Variants in CCDC91 observed in about 807,000 individuals in gnomAD.
CCDC91 encodes the protein coiled-coil domain containing 91.
In CCDC91, 48 loss-of-function variants were observed where a neutral mutation model predicts 63.2. The ratio of observed to expected loss-of-function variants is 0.76; its 90% CI spans 0.60 to 0.97. The LOEUF is 0.97. Among genes scored for constraint, CCDC91 ranks in the 50% least tolerant of loss-of-function variants. The pLI is 0.00. For missense variants in CCDC91, 500 were observed against 494.6 expected (o/e 1.01, Z -0.10); for synonymous variants, 167 against 165.8 (o/e 1.01, Z -0.06).
intron 3 of CCDC91, among the ~76,000 whole-genome samples, chr12:28,264,577 A>ATGTG (rs1565692952): frequency 1.8e-4 from 9 of 50,836 alleles, no homozygotes; most frequent in Non-Finnish European, 2.8e-4. Flanking sequence ...ATATATATAT[A>ATGTG]TGTCTGTCTG....
chr12:28,468,316 A>G (rs764035210), intron 11 of CCDC91, among the ~76,000 whole-genome samples: 12 of 151,888 alleles, frequency 7.9e-5, no homozygotes, highest in East Asian at 1.9e-4. Flanking sequence ...AGGAGCAACT[A>G]TTTGCCTATA....
intron 11 of CCDC91, among the ~76,000 whole-genome samples, chr12:28,483,361 G>A (rs559119593): frequency 2.0e-5 from 3 of 152,180 alleles, no homozygotes; most frequent in Admixed American, 2.0e-4. Context: ...TCCATTTCAT[G>A]ATACACTATT....
rs959810859 is a variant in CCDC91 at position 28,441,762 on chromosome 12, A to C, written c.763-8399A>C. On this transcript the variant is annotated intron_variant, in intron 8 of 12. Coordinates refer to ENST00000536442, the MANE Select transcript of CCDC91 (RefSeq NM_018318.5). ...ATATATATATCTCATATATATATGTATATGTGTATGCATGTGATATATGGT... is the reference window on the plus strand; with the variant it reads ...ATATATATATCTCATATATATATGTCTATGTGTATGCATGTGATATATGGT... 2.7e-5 allele frequency among the ~76,000 whole-genome samples: 4 copies of C among 150,400 alleles called. No individual in the cohort carries two copies. The Admixed American group carries it at 2.7e-4, about 10-fold the overall frequency.
chr12:28,391,491 A>G, intron 8 of CCDC91, 80 bp downstream of exon 8: 1 of 768,424 alleles, frequency 1.3e-6, no homozygotes, highest in Non-Finnish European at 2.1e-6. Flanking sequence ...CTGTTTATTC[A>G]GTTCTGTTCC....
At chr12:28,307,167 T>C (rs1322294049) in intron 5 of CCDC91, among the ~76,000 whole-genome samples, 4 of 152,010 alleles carry the variant, frequency 2.6e-5, no homozygotes, top group Non-Finnish European at 5.9e-5. Flanking sequence ...AGGTTTTTTC[T>C]AACTATTGCT....
chr12:28,217,802 C>G (rs1445297447), intron 1 of CCDC91, among the ~76,000 whole-genome samples: 1 of 151,864 alleles, frequency 6.6e-6, no homozygotes, highest in Non-Finnish European at 1.5e-5. Context: ...TGGTGGTATG[C>G]TCTTATTTTC....
In CCDC91 at chr12:28,363,964, T is replaced by G. The variant is rs76872948; in HGVS notation, c.654+1449T>G. Among the ~76,000 whole-genome samples the G allele has an allele frequency of 2.6e-3, 232 of 89,476 alleles. 5 individuals are homozygous for G. The East Asian group carries it at 0.16, about 60-fold the overall frequency. 58.7% of individuals were successfully genotyped at this position (89,476 alleles called of 152,430 possible). A position where few individuals can be genotyped will look rare whatever the true frequency, so the allele number is the denominator to read the frequency against. On this transcript the variant is annotated intron_variant, in intron 7 of 12. Coordinates refer to ENST00000536442, the MANE Select transcript of CCDC91 (RefSeq NM_018318.5). ...TAGATCCAGAATTAAGTGAAAAGTG[T>G]TTTTTTTTTTTTCTTCACCTAGGGT...
intron 8 of CCDC91, among the ~76,000 whole-genome samples, chr12:28,449,422 G>A (rs546211664): frequency 1.3e-5 from 2 of 152,058 alleles, no homozygotes; most frequent in African/African-American, 2.4e-5. Context: ...CCACATCAGT[G>A]CACTGTTCTG....
intron 3 of CCDC91, among the ~76,000 whole-genome samples, chr12:28,269,510 T>A (rs966148611): frequency 1.3e-5 from 2 of 152,054 alleles, no homozygotes; most frequent in Admixed American, 6.6e-5. Context: ...CTTAAGCACC[T>A]TTTTTTCCTG....
chr12:28,212,676 T>A (rs1394105247), intron 1 of CCDC91, among the ~76,000 whole-genome samples: 3 of 152,172 alleles, frequency 2.0e-5, no homozygotes, highest in Non-Finnish European at 4.4e-5. Flanking sequence ...AGCAAACTAG[T>A]TATTTATGTG....
intron 7 of CCDC91, among the ~76,000 whole-genome samples, chr12:28,385,379 T>C (rs891171670): frequency 6.6e-5 from 10 of 152,344 alleles, no homozygotes; most frequent in Admixed American, 6.5e-4. Context: ...TTACTCAATG[T>C]ATTTGTCATA....
chr12:28,430,439 T>G (rs1948567873), intron 8 of CCDC91, among the ~76,000 whole-genome samples: 2 of 152,112 alleles, frequency 1.3e-5, no homozygotes, highest in Admixed American at 1.3e-4. Flanking sequence ...GAAATCTTAT[T>G]ACTAACATTA....
At chr12:28,441,623 CAT>C (rs1402036886) in intron 8 of CCDC91, among the ~76,000 whole-genome samples, 66 of 143,954 alleles carry the variant, frequency 4.6e-4, no homozygotes, top group African/African-American at 1.3e-3. Context: ...ATATATATCT[CAT>C]ATGTGTATAT....
chr12:28,524,982 T>C (rs367768004), intron 12 of CCDC91, among the ~76,000 whole-genome samples: 28 of 152,204 alleles, frequency 1.8e-4, no homozygotes, highest in African/African-American at 6.8e-4. Flanking sequence ...TTGGATGTTC[T>C]CTCTTCTTTT....
At chr12:28,234,438 A>G (rs1195418269) in intron 1 of CCDC91, among the ~76,000 whole-genome samples, 2 of 152,162 alleles carry the variant, frequency 1.3e-5, no homozygotes, top group Non-Finnish European at 2.9e-5. Context: ...AACTGTTACA[A>G]ATAGTCAACT....
chr12:28,251,783 A>G (rs1946135351), intron 1 of CCDC91, among the ~76,000 whole-genome samples: 1 of 152,136 alleles, frequency 6.6e-6, no homozygotes, highest in Non-Finnish European at 1.5e-5. Flanking sequence ...TACATGTCTC[A>G]GGAGCTTTCT....
At chr12:28,406,810 A>ATTTTTTTTTTTTTTTTTTTTTTT (rs375722489) in intron 8 of CCDC91, among the ~76,000 whole-genome samples, 1 of 148,092 alleles carries the variant, frequency 6.8e-6, no homozygotes, top group Non-Finnish European at 1.5e-5. Flanking sequence ...GATTTTAACT[A>ATTTTTTTTTTTTTTTTTTTTTTT]TTTTTTTTTG....
At chr12:28,414,187 G>C (rs1947497858) in intron 8 of CCDC91, among the ~76,000 whole-genome samples, 1 of 152,022 alleles carries the variant, frequency 6.6e-6, no homozygotes, top group South Asian at 2.1e-4. Flanking sequence ...TTTTTATACT[G>C]TTAGATATAT....
At chr12:28,355,296 G>A (rs1177054266) in intron 6 of CCDC91, among the ~76,000 whole-genome samples, 1 of 152,284 alleles carries the variant, frequency 6.6e-6, no homozygotes, top group Non-Finnish European at 1.5e-5. Flanking sequence ...CATTGAAGTA[G>A]CAGTGGGAAC....
Sources: allele counts gnomAD v4.1 joint callset (sites outside exome capture counted in the v4.1 genomes callset), GRCh38; gene constraint gnomAD v4.1.1; transcripts MANE v1.5; gene names NCBI Gene and HGNC (gene_info 2026-07-23, HGNC 2026-07-21).